Variants in OPRD1 observed in about 807,000 individuals in gnomAD.
The protein encoded by OPRD1 is delta-type opioid receptor.
A neutral mutation model predicts 17.5 loss-of-function variants in OPRD1; 19 were observed. That is an observed-to-expected ratio of 1.09 (90% CI 0.76 to 1.60). The LOEUF is 1.60. Among genes scored for constraint, OPRD1 ranks in the 40% most tolerant of loss-of-function variants. The pLI is 0.00. For missense variants in OPRD1, 483 were observed against 547.2 expected (o/e 0.88, Z 1.17); for synonymous variants, 256 against 240.9 (o/e 1.06, Z -0.58).
rs943745833 is a variant in OPRD1, at chr1:28,863,365, G to A, written c.*82G>A. 18 of 1,359,724 alleles carry A rather than the reference G, an allele frequency of 1.3e-5. No individual in the cohort carries two copies. The African/African-American group carries it at 2.3e-4, about 17-fold the overall frequency. 84.2% of individuals were successfully genotyped at this position (1,359,724 alleles called of 1,614,324 possible). On this transcript the variant is annotated 3_prime_UTR_variant, in exon 3 of 3. Coordinates refer to ENST00000234961, the MANE Select transcript of OPRD1 (RefSeq NM_000911.4). ...CCCAGTGGGAGGCGCGAGCCATGATGTGGAGTGGGGCAGTAGAAGGTCGGA... is the reference window on the plus strand; with the variant it reads ...CCCAGTGGGAGGCGCGAGCCATGATATGGAGTGGGGCAGTAGAAGGTCGGA...
At chr1:28,827,437 C>T (rs72663887) in intron 1 of OPRD1, among the ~76,000 whole-genome samples, 1 of 152,334 alleles carries the variant, frequency 6.6e-6, no homozygotes, top group Non-Finnish European at 1.5e-5. Context: ...CCAAGTGATC[C>T]TCTTGCCTCA....
chr1:28,823,621 C>G (rs1046370331), intron 1 of OPRD1, among the ~76,000 whole-genome samples: 5 of 151,956 alleles, frequency 3.3e-5, no homozygotes, highest in Admixed American at 3.3e-4. Context: ...GTCTCGAGCT[C>G]CAGACCTTGT....
intron 1 of OPRD1, among the ~76,000 whole-genome samples, chr1:28,824,597 C>A (rs193033078): frequency 4.0e-5 from 6 of 151,556 alleles, no homozygotes; most frequent in Non-Finnish European, 8.8e-5. Flanking sequence ...GGATTACAGG[C>A]GTGAGCCACT....
intron 1 of OPRD1, among the ~76,000 whole-genome samples, chr1:28,834,201 C>T (rs1438345025): frequency 5.3e-5 from 8 of 149,950 alleles, no homozygotes; most frequent in South Asian, 2.1e-4. Flanking sequence ...CGTGAGCCAC[C>T]GCGCCCAGCC....
intron 1 of OPRD1, among the ~76,000 whole-genome samples, chr1:28,821,305 C>G (rs943781283): frequency 6.6e-6 from 1 of 151,986 alleles, no homozygotes; most frequent in South Asian, 2.1e-4. Flanking sequence ...GTGTCACCAT[C>G]TTGGCCAGGC....
At chr1:28,828,449 T>C (rs1049407273) in intron 1 of OPRD1, among the ~76,000 whole-genome samples, 3 of 152,052 alleles carry the variant, frequency 2.0e-5, no homozygotes, top group Non-Finnish European at 4.4e-5. Flanking sequence ...TTTAGCATAA[T>C]TCTTAAGGGC....
In OPRD1 at chr1:28,828,664, T is replaced by C. The variant is rs116424181; in HGVS notation, c.227+16054T>C. Among the ~76,000 whole-genome samples, 415 of 128,774 alleles carry C rather than the reference T, an allele frequency of 3.2e-3. 3 individuals are homozygous for C. Among genetic ancestry groups the C allele is most frequent in the African/African-American group, 0.012 (397 of 34,038 alleles). 84.5% of individuals were successfully genotyped at this position (128,774 alleles called of 152,430 possible). On this transcript the variant is annotated intron_variant, in intron 1 of 2. Transcript: ENST00000234961. ...TCGTGCCACTGCATTCCAGCCTGAG[T>C]GACAGAGTGAAACTCGATCTCTTAA...
chr1:28,841,106 C>A (rs1466122992), intron 1 of OPRD1, among the ~76,000 whole-genome samples: 2 of 152,180 alleles, frequency 1.3e-5, no homozygotes, highest in Non-Finnish European at 2.9e-5. Flanking sequence ...TGGCTGCTGC[C>A]CCCTTGGGAC....
At position 28,864,514 on chromosome 1, in the gene OPRD1, AAGG is replaced by A. The variant is rs2089155677; in HGVS notation, c.*1234_*1236del. ...ACTAATGGGGGCCCAGAGGCTTGGGAAGGAGAAGGCTTCCAAAACCAGTTCGAA... is the reference window on the plus strand; with the variant it reads ...ACTAATGGGGGCCCAGAGGCTTGGGAAGAAGGCTTCCAAAACCAGTTCGAA... On this transcript the variant is annotated 3_prime_UTR_variant, in exon 3 of 3. Coordinates refer to ENST00000234961, the MANE Select transcript of OPRD1 (RefSeq NM_000911.4). The A allele has an allele frequency of 6.6e-6, 1 of 151,728 alleles. No individual in the cohort carries two copies. The allele number at this position is 151,728 out of a possible 1,614,324, so 9.4% of individuals were successfully genotyped here.
chr1:28,858,234 C>T (rs2089076674), intron 1 of OPRD1, among the ~76,000 whole-genome samples: 1 of 151,512 alleles, frequency 6.6e-6, no homozygotes, highest in South Asian at 2.1e-4. Flanking sequence ...CTGCCTCAGC[C>T]TCCCGAGTAG....
intron 1 of OPRD1, among the ~76,000 whole-genome samples, chr1:28,854,390 C>A (rs115414536): frequency 6.6e-6 from 1 of 151,186 alleles, no homozygotes; most frequent in African/African-American, 2.5e-5. Flanking sequence ...CCATGCCCAA[C>A]TAATTTTTTT....
intron 1 of OPRD1, among the ~76,000 whole-genome samples, chr1:28,832,140 C>T (rs1439340047): frequency 1.3e-5 from 2 of 152,170 alleles, no homozygotes; most frequent in African/African-American, 2.4e-5. Flanking sequence ...ACCTATGATA[C>T]CCTCTGATTT....
chr1:28,826,897 C>T (rs2088773010), intron 1 of OPRD1, among the ~76,000 whole-genome samples: 1 of 152,218 alleles, frequency 6.6e-6, no homozygotes, highest in South Asian at 2.1e-4. Context: ...CTCTCAAATC[C>T]TATTGCTGCT....
chr1:28,818,326 C>T (rs1359868863), intron 1 of OPRD1, among the ~76,000 whole-genome samples: 1 of 152,216 alleles, frequency 6.6e-6, no homozygotes, highest in Non-Finnish European at 1.5e-5. Context: ...GCTTAAACCT[C>T]CATACGCCCC....
intron 1 of OPRD1, among the ~76,000 whole-genome samples, chr1:28,813,538 T>C (rs2088649411): frequency 6.6e-6 from 1 of 152,202 alleles, no homozygotes; most frequent in African/African-American, 2.4e-5. Context: ...TTGGAGTTTA[T>C]GGAGAGTGCT....
chr1:28,846,887 T>TTTCTTTCTTTCC, intron 1 of OPRD1, among the ~76,000 whole-genome samples: 1 of 55,990 alleles, frequency 1.8e-5, no homozygotes, highest in Non-Finnish European at 4.9e-5. Flanking sequence ...TCTTTCTTTC[T>TTTCTTTCTTTCC]TTCTTTTCTC....
At chr1:28,842,949 G>C (rs2088906620) in intron 1 of OPRD1, among the ~76,000 whole-genome samples, 1 of 148,478 alleles carries the variant, frequency 6.7e-6, no homozygotes, top group South Asian at 2.1e-4. Context: ...GCACGCACCT[G>C]TAGTCCTAGC....
intron 1 of OPRD1, among the ~76,000 whole-genome samples, chr1:28,824,146 T>C (rs12092160): frequency 0.4 from 56,245 of 141,364 alleles, 11,678 homozygotes; most frequent in African/African-American, 0.55. Context: ...ATCACTGCAC[T>C]CCAGTCTGGG....
At chr1:28,820,826 C>T (rs536706) in intron 1 of OPRD1, among the ~76,000 whole-genome samples, 69,277 of 151,556 alleles carry the variant, frequency 0.46, 17,724 homozygotes, top group East Asian at 0.78. Context: ...TCTCAAACTC[C>T]TGACCCCAGG....
Sources: gnomAD v4.1 joint callset for allele counts (sites outside exome capture counted in the v4.1 genomes callset) on GRCh38, gnomAD v4.1.1 for gene constraint, MANE v1.5 for transcripts, NCBI Gene and HGNC (gene_info 2026-07-23, HGNC 2026-07-21) for gene names.